Variants in ADAMTS20 observed in about 807,000 individuals in gnomAD.
ADAMTS20 encodes A disintegrin and metalloproteinase with thrombospondin motifs 20.
Under a neutral mutation model 260.1 loss-of-function variants are expected in ADAMTS20, and 225 were observed. The observed-to-expected ratio is 0.87, with a 90% CI of 0.78 to 0.97. The LOEUF is 0.97. ADAMTS20 is among the 50% of genes least tolerant of loss of function. The pLI, the probability that ADAMTS20 is intolerant of heterozygous loss-of-function variation, is 0.00. For missense variants in ADAMTS20, 2,400 were observed against 2,337.7 expected, an observed-to-expected ratio of 1.03 and a Z score of -0.55; for synonymous variants, 802 against 769.5, an observed-to-expected ratio of 1.04 and a Z score of -0.70.
chr12:43,503,745 G>C (rs565841336), intron 3 of ADAMTS20, among the ~76,000 whole-genome samples: 1 of 151,986 alleles, frequency 6.6e-6, no homozygotes, highest in African/African-American at 2.4e-5. Context: ...GTAGGCCCAG[G>C]TGTCTTTTAC....
chr12:43,406,595 AT>A (rs1009800547), intron 28 of ADAMTS20, among the ~76,000 whole-genome samples: 1 of 152,004 alleles, frequency 6.6e-6, no homozygotes, highest in African/African-American at 2.4e-5. Flanking sequence ...TATGTCTTTC[AT>A]TTTTTTAGAA....
At chr12:43,424,026 C>T in intron 28 of ADAMTS20, 2 of 618,100 alleles carry the variant, frequency 3.2e-6, no homozygotes, top group East Asian at 2.7e-5. Context: ...CTTCAAATAA[C>T]ATGACTTGAA....
At position 43,398,988 on chromosome 12, in the gene ADAMTS20, G is replaced by A. The variant is rs1033353108; in HGVS notation, c.4452+78C>T. 1.7e-5 allele frequency: 17 copies of A among 1,004,856 alleles called. No individual in the cohort carries two copies. In the African/African-American group the frequency reaches 2.0e-4, roughly 12 times the overall value. 62.2% of individuals were successfully genotyped at this position (1,004,856 alleles called of 1,614,324 possible). Reference sequence around the variant, plus strand: ...AATTTTAGAGAAGCAAAACATTCAAGGTTATGAAAAATAAGAATGAATTTT... The same window carrying A: ...AATTTTAGAGAAGCAAAACATTCAAAGTTATGAAAAATAAGAATGAATTTT... On this transcript the variant is annotated intron_variant, in intron 29 of 38. Coordinates refer to ENST00000389420, the MANE Select transcript of ADAMTS20 (RefSeq NM_025003.5).
At chr12:43,423,953 A>T (rs1177920429) in intron 28 of ADAMTS20, 1 of 700,094 alleles carries the variant, frequency 1.4e-6, no homozygotes, top group Non-Finnish European at 2.6e-6. Context: ...CTGTTGTTTA[A>T]TATCATCAGT....
At chr12:43,399,957 G>T (rs1421240558) in intron 28 of ADAMTS20, among the ~76,000 whole-genome samples, 1 of 152,042 alleles carries the variant, frequency 6.6e-6, no homozygotes, top group Admixed American at 6.6e-5. Context: ...GCCACTTATA[G>T]CTGGGTGACT....
intron 19 of ADAMTS20, 90 bp downstream of exon 19, chr12:43,434,155 C>T: frequency 7.5e-7 from 1 of 1,329,026 alleles, no homozygotes; most frequent in Non-Finnish European, 1.0e-6. Flanking sequence ...GTAATAATTG[C>T]ATGTCCATGC....
chr12:43,424,567 T>TG (rs150476083), intron 28 of ADAMTS20, among the ~76,000 whole-genome samples: 3,706 of 152,180 alleles, frequency 0.024, 73 homozygotes, highest in East Asian at 0.08. Context: ...AGTTGGATAA[T>TG]GACAAAAAAC....
chr12:43,381,168 G>A (rs544409065), intron 31 of ADAMTS20, among the ~76,000 whole-genome samples: 21 of 152,174 alleles, frequency 1.4e-4, no homozygotes, highest in African/African-American at 2.9e-4. Flanking sequence ...CATGCAGAAG[G>A]ATGAAATTAG....
intron 36 of ADAMTS20, among the ~76,000 whole-genome samples, chr12:43,370,426 G>T (rs149701093): frequency 1.3e-5 from 2 of 152,178 alleles, no homozygotes; most frequent in Non-Finnish European, 2.9e-5. Context: ...ATAACTGGTC[G>T]TCATTCATCT....
At chr12:43,431,558 T>G in intron 21 of ADAMTS20, 62 bp from the exon 22 acceptor site, 1 of 1,553,432 alleles carries the variant, frequency 6.4e-7, no homozygotes, top group Non-Finnish European at 8.8e-7. Flanking sequence ...TGCCTTAAAC[T>G]GATGCAATGA....
intron 29 of ADAMTS20, among the ~76,000 whole-genome samples, chr12:43,389,710 GT>G: frequency 6.6e-6 from 1 of 152,000 alleles, no homozygotes; most frequent in East Asian, 1.9e-4. Context: ...TTTTGTTTTT[GT>G]TTTTGTTTTT....
At chr12:43,428,891 T>C (rs1466250860) in intron 24 of ADAMTS20, 92 bp from the exon 25 acceptor site, 4 of 1,228,992 alleles carry the variant, frequency 3.3e-6, no homozygotes, top group Non-Finnish European at 4.3e-6. Context: ...TTCTAAAACA[T>C]CCAGTTTCTT....
chr12:43,521,751 T>A (rs1943074942), intron 3 of ADAMTS20, among the ~76,000 whole-genome samples: 2 of 152,178 alleles, frequency 1.3e-5, no homozygotes. Flanking sequence ...ACAAAATCCT[T>A]AAAGTTCTTT....
At chr12:43,358,051 T>C (rs1187371935) in intron 37 of ADAMTS20, among the ~76,000 whole-genome samples, 1 of 152,208 alleles carries the variant, frequency 6.6e-6, no homozygotes, top group Non-Finnish European at 1.5e-5. Flanking sequence ...AATAAAGTTA[T>C]TAAAAAATGA....
intron 28 of ADAMTS20, among the ~76,000 whole-genome samples, chr12:43,405,904 G>A (rs1299379102): frequency 6.6e-6 from 1 of 152,134 alleles, no homozygotes; most frequent in Non-Finnish European, 1.5e-5. Context: ...CATATGGCTG[G>A]GTATTATGTC....
intron 7 of ADAMTS20, among the ~76,000 whole-genome samples, chr12:43,475,469 T>A (rs1592088663): frequency 1.4e-5 from 2 of 146,066 alleles, no homozygotes; most frequent in East Asian, 4.1e-4. Context: ...ATGCCTTTCT[T>A]CACAGAATTG....
chr12:43,462,794 A>G (rs985520066), intron 11 of ADAMTS20, 101 bp downstream of exon 11: 4 of 882,538 alleles, frequency 4.5e-6, no homozygotes, highest in Non-Finnish European at 5.2e-6. Context: ...GACTAGCTGA[A>G]GAAAAGTTGA....
chr12:43,374,719 G>A (rs891349630), intron 36 of ADAMTS20, among the ~76,000 whole-genome samples: 2 of 150,944 alleles, frequency 1.3e-5, no homozygotes, highest in East Asian at 3.9e-4. Flanking sequence ...ATTATCATTA[G>A]AAACTAATGT....
rs552927380 is a variant in ADAMTS20 at position 43,426,185 on chromosome 12, G to A, written c.4108-495C>T. 4.9e-4 allele frequency among the ~76,000 whole-genome samples: 74 copies of A among 152,252 alleles called. 1 individual carries two copies. The highest frequency in any genetic ancestry group is 1.7e-3 in the African/African-American group (69 of 41,572). ...AAAAACAGCAAATAACAAAACAGCT[G>A]TATAATGTGAACCAATTTCTAAAAC... On this transcript the variant is annotated intron_variant, in intron 27 of 38. Transcript: ENST00000389420.
Sources: allele counts gnomAD v4.1 joint callset (sites outside exome capture counted in the v4.1 genomes callset), GRCh38; gene constraint gnomAD v4.1.1; transcripts MANE v1.5; gene names NCBI Gene and HGNC (gene_info 2026-07-23, HGNC 2026-07-21).